AMPH: variants seen among roughly 807,000 people sequenced by gnomAD.
The protein encoded by AMPH is amphiphysin (Stiff-Mann syndrome with breast cancer 128kD autoantigen).
A neutral mutation model predicts 99.1 loss-of-function variants in AMPH; 49 were observed. The ratio of observed to expected loss-of-function variants is 0.49; its 90% confidence interval spans 0.39 to 0.63. The LOEUF is 0.63. Ranked by LOEUF, AMPH falls within the 20% of genes least tolerant of loss-of-function variation. The pLI, the probability that AMPH is intolerant of heterozygous loss-of-function variation, is 0.00. For missense variants in AMPH, 759 were observed against 863.4 expected (o/e 0.88, Z 1.52); for synonymous variants, 314 against 317.3 (o/e 0.99, Z 0.11).
At chr7:38,507,993 G>T (rs1414823637) in intron 2 of AMPH, among the ~76,000 whole-genome samples, 1 of 152,166 alleles carries the variant, frequency 6.6e-6, no homozygotes, top group Non-Finnish European at 1.5e-5. Context: ...ATTAATATTA[G>T]TAAATACATA....
intron 1 of AMPH, among the ~76,000 whole-genome samples, chr7:38,577,451 G>C (rs1198705111): frequency 6.6e-6 from 1 of 152,214 alleles, no homozygotes; most frequent in Non-Finnish European, 1.5e-5. Flanking sequence ...TTGTGGTTTA[G>C]ATTCTTTATT....
At chr7:38,506,048 A>G (rs1004815512) in intron 2 of AMPH, among the ~76,000 whole-genome samples, 5 of 152,184 alleles carry the variant, frequency 3.3e-5, no homozygotes, top group African/African-American at 1.2e-4. Context: ...AAGCCATCAC[A>G]TGCTCCTGCC....
Position 38,610,234 on chromosome 7 carries a change from CAAAAAAAAAAAAAAAAA to C in AMPH, c.69+21032_69+21048del, listed in dbSNP as rs544036143. Among the ~76,000 whole-genome samples the C allele has an allele frequency of 4.6e-3, 28 of 6,124 alleles. 3 individuals are homozygous for C. Among genetic ancestry groups the C allele is most frequent in the African/African-American group, 0.013 (17 of 1,290 alleles). The allele number at this position is 6,124 out of a possible 152,430, so 4.0% of individuals were successfully genotyped here. On this transcript the variant is annotated intron_variant, in intron 1 of 20. Coordinates refer to ENST00000356264, the MANE Select transcript of AMPH (RefSeq NM_001635.4). ...CCGGGCAACAAAAGCTAAGCTCTCT[CAAAAAAAAAAAAAAAAA>C]AAAAAAAAAAAAGAAAGAAAGAAAG...
At chr7:38,446,305 C>G (rs1421327057) in intron 11 of AMPH, among the ~76,000 whole-genome samples, 2 of 152,036 alleles carry the variant, frequency 1.3e-5, no homozygotes, top group Non-Finnish European at 2.9e-5. Flanking sequence ...CTAGTTTATC[C>G]CTAGGTATTC....
intron 2 of AMPH, among the ~76,000 whole-genome samples, chr7:38,513,187 A>G (rs1375233661): frequency 6.6e-6 from 1 of 152,208 alleles, no homozygotes; most frequent in Non-Finnish European, 1.5e-5. Flanking sequence ...AATAAGAATA[A>G]TATTACCAAG....
At chr7:38,624,144 C>T (rs1794161386) in intron 1 of AMPH, among the ~76,000 whole-genome samples, 1 of 152,010 alleles carries the variant, frequency 6.6e-6, no homozygotes, top group Non-Finnish European at 1.5e-5. Flanking sequence ...GGGAGGTTAA[C>T]AAGCAAGGAC....
intron 2 of AMPH, among the ~76,000 whole-genome samples, chr7:38,521,583 TAGAG>T (rs1450071094): frequency 2.0e-5 from 3 of 152,072 alleles, no homozygotes; most frequent in African/African-American, 4.8e-5. Flanking sequence ...TGAAAAAAGG[TAGAG>T]AGATTTTTGG....
intron 2 of AMPH, among the ~76,000 whole-genome samples, chr7:38,508,812 A>G (rs1221474231): frequency 6.6e-6 from 1 of 152,256 alleles, no homozygotes; most frequent in Non-Finnish European, 1.5e-5. Flanking sequence ...CAATCTTGAA[A>G]GCAATGATAA....
At chr7:38,619,368 T>C (rs761633250) in intron 1 of AMPH, among the ~76,000 whole-genome samples, 6 of 152,202 alleles carry the variant, frequency 3.9e-5, no homozygotes, top group African/African-American at 7.2e-5. Context: ...AATGTAACTA[T>C]GCACCTAATA....
intron 11 of AMPH, among the ~76,000 whole-genome samples, chr7:38,439,201 T>C (rs1786409217): frequency 6.6e-6 from 1 of 152,244 alleles, no homozygotes; most frequent in East Asian, 1.9e-4. Context: ...TGTGGAACTG[T>C]GAGTCAATGA....
In AMPH at chr7:38,541,097, T is replaced by C. The variant is rs191134169; in HGVS notation, c.70-6086A>G. 4.1e-5 allele frequency among the ~76,000 whole-genome samples: 6 copies of C among 145,492 alleles called. No homozygotes were observed. In the East Asian group the frequency reaches 1.3e-3, roughly 31 times the overall value. ...TCCATGTAGTTAATCAGGAGTAAACTAAATCAGAAGGCCATGGCCTCTTCT... is the reference window on the plus strand; with the variant it reads ...TCCATGTAGTTAATCAGGAGTAAACCAAATCAGAAGGCCATGGCCTCTTCT... On this transcript the variant is annotated intron_variant, in intron 1 of 20. Transcript: ENST00000356264.
At chr7:38,483,310 G>A (rs1788361589) in intron 5 of AMPH, among the ~76,000 whole-genome samples, 1 of 152,036 alleles carries the variant, frequency 6.6e-6, no homozygotes, top group African/African-American at 2.4e-5. Flanking sequence ...AGAGCAAGCA[G>A]GAGGAAACAA....
At chr7:38,526,572 G>A (rs1196123522) in intron 2 of AMPH, among the ~76,000 whole-genome samples, 1 of 150,384 alleles carries the variant, frequency 6.6e-6, no homozygotes, top group Non-Finnish European at 1.5e-5. Context: ...CACTGCACCC[G>A]GCCTCTATTC....
chr7:38,439,100 T>C (rs571070781), intron 11 of AMPH, among the ~76,000 whole-genome samples: 31 of 152,288 alleles, frequency 2.0e-4, no homozygotes, highest in Admixed American at 1.7e-3. Flanking sequence ...ACTTCCCCCC[T>C]GCTGTCTCTC....
intron 15 of AMPH, among the ~76,000 whole-genome samples, chr7:38,425,573 A>G (rs892246606): frequency 6.6e-6 from 1 of 152,210 alleles, no homozygotes; most frequent in Non-Finnish European, 1.5e-5. Flanking sequence ...TCACTATTAC[A>G]TTACCACAGA....
Position 38,404,522 on chromosome 7 carries a change from C to G in AMPH, c.1399-10308G>C, listed in dbSNP as rs565957651. ...CCACCACACAACAGATATCCATAACCAAGGAACCCATGTAGAGCCTTGGCC... is the reference window on the plus strand; with the variant it reads ...CCACCACACAACAGATATCCATAACGAAGGAACCCATGTAGAGCCTTGGCC... On this transcript the variant is annotated intron_variant, in intron 17 of 20. Transcript: ENST00000356264. Among the ~76,000 whole-genome samples the G allele has an allele frequency of 7.9e-5, 12 of 152,232 alleles. No individual in the cohort carries two copies. In the South Asian group the frequency reaches 2.3e-3, roughly 29 times the overall value.
intron 1 of AMPH, among the ~76,000 whole-genome samples, chr7:38,544,800 G>A (rs938535816): frequency 1.3e-5 from 2 of 152,164 alleles, no homozygotes; most frequent in African/African-American, 4.8e-5. Flanking sequence ...TCTGAAAAGT[G>A]TTTAATGAGG....
At position 38,559,824 on chromosome 7, in the gene AMPH, A is replaced by G. The variant is rs191979627; in HGVS notation, c.70-24813T>C. 4.6e-5 allele frequency among the ~76,000 whole-genome samples: 7 copies of G among 152,254 alleles called. 1 individual carries two copies. The highest frequency in any genetic ancestry group is 3.3e-4 in the Admixed American group (5 of 15,286). The stretch of plus-strand genomic sequence containing the variant: ...AACCTATTCCTGCTTCAGTATGCCG[A>G]GTTTGTGGATCATCTCAGGTCAGGA... On this transcript the variant is annotated intron_variant, in intron 1 of 20. Transcript: ENST00000356264.
intron 5 of AMPH, among the ~76,000 whole-genome samples, chr7:38,480,219 T>C (rs1584146830): frequency 6.6e-6 from 1 of 152,236 alleles, no homozygotes; most frequent in African/African-American, 2.4e-5. Context: ...TTGTCCGAAA[T>C]TGCTCAGCAA....
Sources: allele counts gnomAD v4.1 joint callset (sites outside exome capture counted in the v4.1 genomes callset), GRCh38; gene constraint gnomAD v4.1.1; transcripts MANE v1.5; gene names NCBI Gene and HGNC (gene_info 2026-07-23, HGNC 2026-07-21).